The following PPP2R2B variants were observed in gnomAD, a reference collection of about 807,000 sequenced individuals.
The protein encoded by PPP2R2B is protein phosphatase 2 regulatory subunit Bbeta, also known as serine/threonine-protein phosphatase 2A 55 kDa regulatory subunit B beta isoform.
Under a neutral mutation model 46.0 loss-of-function variants are expected in PPP2R2B, and 5 were observed. The ratio of observed to expected loss-of-function variants is 0.11; its 90% CI spans 0.06 to 0.23. The LOEUF is 0.23. Ranked by LOEUF, PPP2R2B falls within the 10% of genes least tolerant of loss-of-function variation. The probability of loss-of-function intolerance (pLI) is 1.00; values close to 1 mark genes in which losing one functional copy is unlikely to be tolerated. For synonymous variants in PPP2R2B, 215 were observed against 206.7 expected (o/e 1.04, Z -0.34); for missense variants, 367 against 575.0 (o/e 0.64, Z 3.70).
At chr5:147,008,554 A>G (rs1754560733) in intron 1 of PPP2R2B, among the ~76,000 whole-genome samples, 1 of 152,104 alleles carries the variant, frequency 6.6e-6, no homozygotes, top group Non-Finnish European at 1.5e-5. Flanking sequence ...CCTTCTGCAT[A>G]GGTTGAGATG....
intron 1 of PPP2R2B, among the ~76,000 whole-genome samples, chr5:146,999,451 A>G (rs1754066628): frequency 6.6e-6 from 1 of 152,098 alleles, no homozygotes; most frequent in Non-Finnish European, 1.5e-5. Context: ...AAATATCAAT[A>G]CTCAAGGCCT....
intron 1 of PPP2R2B, among the ~76,000 whole-genome samples, chr5:146,959,966 C>A (rs915165347): frequency 2.0e-5 from 3 of 152,156 alleles, no homozygotes; most frequent in African/African-American, 7.2e-5. Flanking sequence ...ACTCTGAAAG[C>A]CATGGAGGAG....
At chr5:146,964,505 C>G (rs1196658065) in intron 1 of PPP2R2B, among the ~76,000 whole-genome samples, 1 of 152,012 alleles carries the variant, frequency 6.6e-6, no homozygotes, top group Admixed American at 6.6e-5. Context: ...GGTTTAAGTT[C>G]TCAGCTCCTG....
intron 1 of PPP2R2B, among the ~76,000 whole-genome samples, chr5:146,991,719 A>G (rs962175895): frequency 1.3e-5 from 2 of 152,266 alleles, no homozygotes; most frequent in South Asian, 4.1e-4. Context: ...TGTTTCAATT[A>G]TAAATTCTAA....
At chr5:146,627,720 C>G (rs1774156358) in intron 7 of PPP2R2B, among the ~76,000 whole-genome samples, 2 of 152,104 alleles carry the variant, frequency 1.3e-5, no homozygotes, top group Admixed American at 1.3e-4. Context: ...CTCTCTGTGC[C>G]TCATCTATAA....
intron 1 of PPP2R2B, chr5:146,918,436 G>A (rs1391134286): frequency 6.6e-6 from 1 of 152,072 alleles, no homozygotes; most frequent in African/African-American, 2.4e-5. Context: ...TTTATTGAGA[G>A]GTAAATAGGT....
At chr5:147,049,692 A>G (rs1233383924) in intron 1 of PPP2R2B, among the ~76,000 whole-genome samples, 2 of 152,134 alleles carry the variant, frequency 1.3e-5, no homozygotes, top group Non-Finnish European at 2.9e-5. Context: ...TGAGGCCAAG[A>G]CAAGAAATCC....
At chr5:147,079,469 T>TATATATATAC (rs1491141938) in intron 2 of PPP2R2B, among the ~76,000 whole-genome samples, 2,370 of 138,814 alleles carry the variant, frequency 0.017, 31 homozygotes, top group Non-Finnish European at 0.021. Context: ...TATATATATA[T>TATATATATAC]ACATGTGCAA....
At chr5:146,861,921 T>A (rs1444944494) in intron 2 of PPP2R2B, among the ~76,000 whole-genome samples, 3 of 151,710 alleles carry the variant, frequency 2.0e-5, no homozygotes, top group African/African-American at 7.3e-5. Flanking sequence ...AACTTTCACA[T>A]AATTTTTCTT....
intron 2 of PPP2R2B, among the ~76,000 whole-genome samples, chr5:146,803,735 A>G (rs1365780102): frequency 6.6e-6 from 1 of 152,224 alleles, no homozygotes; most frequent in African/African-American, 2.4e-5. Flanking sequence ...TCCCTGGGTT[A>G]AAGCCTGCCA....
At chr5:146,871,454 C>T (rs1242353445) in intron 2 of PPP2R2B, among the ~76,000 whole-genome samples, 1 of 152,212 alleles carries the variant, frequency 6.6e-6, no homozygotes, top group Admixed American at 6.5e-5. Flanking sequence ...CAAAAAACTC[C>T]AGCTAGTTCT....
At chr5:146,862,310 G>A (rs1159464838) in intron 2 of PPP2R2B, among the ~76,000 whole-genome samples, 2 of 152,194 alleles carry the variant, frequency 1.3e-5, no homozygotes, top group African/African-American at 4.8e-5. Context: ...CTAAGCACCT[G>A]TGTGCCAAGA....
intron 2 of PPP2R2B, among the ~76,000 whole-genome samples, chr5:147,077,056 T>TATAAA (rs1375389867): frequency 6.8e-6 from 1 of 146,896 alleles, no homozygotes; most frequent in Admixed American, 6.9e-5. Context: ...CTGATATATA[T>TATAAA]ATACAATACA....
intron 2 of PPP2R2B, among the ~76,000 whole-genome samples, chr5:147,080,587 T>C (rs1757942728): frequency 6.6e-6 from 1 of 152,194 alleles, no homozygotes; most frequent in African/African-American, 2.4e-5. Flanking sequence ...GAAAGTCTCC[T>C]GAGAACCAGA....
chr5:146,950,514 G>A (rs1027804705), intron 1 of PPP2R2B, among the ~76,000 whole-genome samples: 7 of 151,972 alleles, frequency 4.6e-5, no homozygotes, highest in African/African-American at 9.7e-5. Context: ...GTGACATTTG[G>A]GGCCCATCCC....
At chr5:146,989,094 A>T (rs560214349) in intron 1 of PPP2R2B, among the ~76,000 whole-genome samples, 26 of 152,088 alleles carry the variant, frequency 1.7e-4, no homozygotes, top group Non-Finnish European at 3.4e-4. Context: ...GAGCAATGAG[A>T]TAGGCACAGT....
intron 2 of PPP2R2B, among the ~76,000 whole-genome samples, chr5:146,721,861 T>C (rs1446202779): frequency 6.6e-6 from 1 of 152,172 alleles, no homozygotes; most frequent in Non-Finnish European, 1.5e-5. Flanking sequence ...CCCATTCTCA[T>C]AGATGGGACC....
intron 1 of PPP2R2B, among the ~76,000 whole-genome samples, chr5:146,955,077 G>A (rs1751824139): frequency 1.3e-5 from 2 of 151,984 alleles, no homozygotes; most frequent in Admixed American, 1.3e-4. Context: ...TGAATTATTT[G>A]GCCATTAACT....
chr5:146,823,956 C>A (rs1217891343), intron 2 of PPP2R2B, among the ~76,000 whole-genome samples: 2 of 152,118 alleles, frequency 1.3e-5, no homozygotes, highest in Non-Finnish European at 2.9e-5. Flanking sequence ...GGGTAGCACT[C>A]CATTTCCCTC....
Sources: allele counts gnomAD v4.1 joint callset (sites outside exome capture counted in the v4.1 genomes callset), GRCh38; gene constraint gnomAD v4.1.1; transcripts MANE v1.5; gene names NCBI Gene and HGNC (gene_info 2026-07-23, HGNC 2026-07-21).